Variants in ZC3H12B observed in about 807,000 individuals in gnomAD.
The protein encoded by ZC3H12B is probable ribonuclease ZC3H12B.
In ZC3H12B, 7 loss-of-function variants were observed where a neutral mutation model predicts 43.9. That is an observed-to-expected ratio of 0.16 (90% CI 0.09 to 0.30). The LOEUF (loss-of-function observed/expected upper bound fraction) is 0.30. Among genes scored for constraint, ZC3H12B ranks in the 10% least tolerant of loss-of-function variants. The pLI is 1.00. For missense variants in ZC3H12B, 475 were observed against 670.2 expected, an observed-to-expected ratio of 0.71 and a Z score of 3.22; for synonymous variants, 222 against 241.7, an observed-to-expected ratio of 0.92 and a Z score of 0.76.
rs757291821 is a variant in ZC3H12B at position 65,469,338 on chromosome X, G to A, written n.408-19308G>A. 193 of 382,276 alleles carry A rather than the reference G, an allele frequency of 5.0e-4. 1 individual carries two copies. The highest frequency in any genetic ancestry group is 1.2e-3 in the Middle Eastern group (3 of 2,527). 31.5% of individuals were successfully genotyped at this position (382,276 alleles called of 1,213,427 possible). The stretch of plus-strand genomic sequence containing the variant: ...GGTCTTCATTGATGTTATAGAGTCT[G>A]CCAACCTGCTGGTCAATGCCAAAGG... On this transcript the variant is annotated intron_variant and non_coding_transcript_variant, in intron 3 of 5. Coordinates refer to the ZC3H12B transcript ENST00000617377.
the ZC3H12B span, among the ~76,000 whole-genome samples, chrX:65,214,512 T>C: frequency 8.9e-6 from 1 of 111,844 alleles, no homozygotes; most frequent in East Asian, 2.8e-4. Context: ...TTCTCAGTTA[T>C]AGGAAACAAA....
chrX:65,420,505 C>T (rs1370988779), intron 3 of ZC3H12B, among the ~76,000 whole-genome samples: 2 of 111,902 alleles, frequency 1.8e-5, no homozygotes, highest in African/African-American at 3.3e-5. Context: ...CTGGAATAGT[C>T]ATCTACTTCT....
chrX:65,339,577 C>T, the ZC3H12B span, among the ~76,000 whole-genome samples: 1 of 111,704 alleles, frequency 9.0e-6, no homozygotes, highest in Admixed American at 9.4e-5. Context: ...TCAATTTGCT[C>T]CCATAGGAGA....
the ZC3H12B span, among the ~76,000 whole-genome samples, chrX:65,175,151 C>T: frequency 9.9e-5 from 11 of 111,652 alleles, no homozygotes; most frequent in Admixed American, 1.0e-3. Context: ...TGGCTCCTTG[C>T]ACTTCCCAGG....
intron 2 of ZC3H12B, among the ~76,000 whole-genome samples, chrX:65,392,636 G>A (rs958459981): frequency 2.7e-5 from 3 of 110,921 alleles, no homozygotes; most frequent in Non-Finnish European, 5.7e-5. Context: ...GAGGTGGGGG[G>A]CGCCTCTGCC....
At chrX:65,130,821 A>G in the ZC3H12B span, among the ~76,000 whole-genome samples, 1 of 111,364 alleles carries the variant, frequency 9.0e-6, no homozygotes. Flanking sequence ...TGAGAAGGAG[A>G]AAAACTGCCA....
the ZC3H12B span, chrX:65,272,272 A>AAAAAAAAAAAAC: frequency 3.8e-5 from 4 of 106,143 alleles, no homozygotes; most frequent in African/African-American, 1.4e-4. Flanking sequence ...AAATTTAGTA[A>AAAAAAAAAAAAC]AAAAAAAAAA....
At chrX:65,288,031 G>A in the ZC3H12B span, among the ~76,000 whole-genome samples, 1 of 101,742 alleles carries the variant, frequency 9.8e-6, no homozygotes, top group Admixed American at 1.0e-4. Flanking sequence ...ATTATGAACA[G>A]CTACATGCTG....
chrX:65,499,651 C>T (rs1450386861), intron 3 of ZC3H12B, among the ~76,000 whole-genome samples: 2 of 111,157 alleles, frequency 1.8e-5, no homozygotes, highest in Admixed American at 9.6e-5. Context: ...GCCAGTACGG[C>T]TCAAACATGT....
At chrX:65,394,152 G>T (rs1050520622) in intron 2 of ZC3H12B, among the ~76,000 whole-genome samples, 12 of 112,051 alleles carry the variant, frequency 1.1e-4, no homozygotes, top group South Asian at 3.7e-4. Context: ...TCTGTAGGTT[G>T]CCTGTTCACT....
the ZC3H12B span, among the ~76,000 whole-genome samples, chrX:65,177,590 A>G: frequency 8.9e-6 from 1 of 112,465 alleles, no homozygotes; most frequent in African/African-American, 3.2e-5. Context: ...GTCTCAGGAT[A>G]CAAAATCAAT....
At chrX:65,242,582 C>A in the ZC3H12B span, among the ~76,000 whole-genome samples, 2 of 111,983 alleles carry the variant, frequency 1.8e-5, no homozygotes, top group African/African-American at 6.5e-5. Flanking sequence ...AAATTTAATG[C>A]AGTTTCTGTC....
At chrX:65,473,106 C>T (rs1056770739) in intron 3 of ZC3H12B, among the ~76,000 whole-genome samples, 6 of 104,095 alleles carry the variant, frequency 5.8e-5, no homozygotes, top group Non-Finnish European at 1.2e-4. Context: ...CTCTGCCTCC[C>T]GGGTTCAAGC....
the ZC3H12B span, among the ~76,000 whole-genome samples, chrX:65,211,718 A>G: frequency 1.1e-5 from 1 of 87,830 alleles, no homozygotes. Context: ...TATATATTAT[A>G]TATTTTTATG....
chrX:65,046,658 T>G, the ZC3H12B span, among the ~76,000 whole-genome samples: 1 of 112,028 alleles, frequency 8.9e-6, no homozygotes, highest in Admixed American at 9.5e-5. Flanking sequence ...CATTTTAATT[T>G]CCTTTAAGAA....
At position 65,390,279 on chromosome X, in the gene ZC3H12B, C is replaced by G. The variant is rs192084172; in HGVS notation, n.296-8314C>G. Among the ~76,000 whole-genome samples the G allele has an allele frequency of 2.7e-5, 3 of 110,550 alleles. No homozygotes were observed. The East Asian group carries it at 8.6e-4, about 32-fold the overall frequency. On this transcript the variant is annotated intron_variant and non_coding_transcript_variant, in intron 2 of 5. Transcript: ENST00000617377. ...CATAGGGTAGGGGGAGGGGGAGGGA[C>G]AGCATTAGGAGATATACGTAATGTA... is the stretch of plus-strand genomic sequence containing the variant.
the ZC3H12B span, among the ~76,000 whole-genome samples, chrX:65,112,620 C>G: frequency 9.0e-6 from 1 of 111,698 alleles, no homozygotes; most frequent in Non-Finnish European, 1.9e-5. Context: ...TCTACTAAGT[C>G]TAAGCTCTAT....
At chrX:65,252,082 T>C in the ZC3H12B span, among the ~76,000 whole-genome samples, 1 of 111,919 alleles carries the variant, frequency 8.9e-6, no homozygotes, top group South Asian at 3.7e-4. Flanking sequence ...TTGTCATAAA[T>C]AGATCTTATT....
At chrX:65,459,637 G>A (rs1228937467) in intron 3 of ZC3H12B, among the ~76,000 whole-genome samples, 1 of 111,548 alleles carries the variant, frequency 9.0e-6, no homozygotes, top group Non-Finnish European at 1.9e-5. Context: ...TGCAGAAAAG[G>A]CCTTTGACAA....
Sources: gnomAD v4.1 joint callset for allele counts (sites outside exome capture counted in the v4.1 genomes callset) on GRCh38, gnomAD v4.1.1 for gene constraint, MANE v1.5 for transcripts, NCBI Gene and HGNC (gene_info 2026-07-23, HGNC 2026-07-21) for gene names.